VAT1L: variants seen among roughly 807,000 people sequenced by gnomAD.
VAT1L encodes the protein putative NADPH-dependent quinone oxidoreductase VAT1L.
A neutral mutation model predicts 44.1 loss-of-function variants in VAT1L; 34 were observed. The ratio of observed to expected loss-of-function variants is 0.77; its 90% CI spans 0.59 to 1.03. The LOEUF (loss-of-function observed/expected upper bound fraction) is 1.03. Among genes scored for constraint, VAT1L ranks in the 50% least tolerant of loss-of-function variants. The pLI, the probability that VAT1L is intolerant of heterozygous loss-of-function variation, is 0.00. For missense variants in VAT1L, 615 were observed against 538.8 expected (o/e 1.14, Z -1.40); for synonymous variants, 253 against 202.2 (o/e 1.25, Z -2.13).
Position 77,799,031 on chromosome 16 carries a change from C to T in VAT1L, c.233+10116C>T, listed in dbSNP as rs547030387. On this transcript the variant is annotated intron_variant, in intron 1 of 8. Coordinates refer to ENST00000302536, the MANE Select transcript of VAT1L (RefSeq NM_020927.3). Reference sequence around the variant, plus strand: ...CTCCTGCTGCAATGAGCTTCCTTCCCGAGGCTGGAAAAGGTGGTGGTCATT... The same window carrying T: ...CTCCTGCTGCAATGAGCTTCCTTCCTGAGGCTGGAAAAGGTGGTGGTCATT... 9.9e-5 allele frequency among the ~76,000 whole-genome samples: 15 copies of T among 152,106 alleles called. No homozygotes were observed. In the East Asian group the frequency reaches 2.3e-3, roughly 24 times the overall value.
chr16:77,900,614 G>C (rs1409217075), intron 7 of VAT1L, among the ~76,000 whole-genome samples: 4 of 150,912 alleles, frequency 2.7e-5, no homozygotes. Flanking sequence ...AGAATCACTT[G>C]AACCCGGGAG....
chr16:77,972,243 A>G (rs1482580294), intron 8 of VAT1L, among the ~76,000 whole-genome samples: 2 of 152,208 alleles, frequency 1.3e-5, no homozygotes, highest in African/African-American at 4.8e-5. Flanking sequence ...GAAAATTTCA[A>G]TAATTTCACA....
intron 7 of VAT1L, among the ~76,000 whole-genome samples, chr16:77,927,005 A>C (rs141807666): frequency 7.2e-5 from 11 of 152,252 alleles, no homozygotes; most frequent in Admixed American, 1.3e-4. Flanking sequence ...AGAAGACAAC[A>C]TAACAGTCAT....
At chr16:77,845,106 C>T (rs1457564416) in intron 3 of VAT1L, among the ~76,000 whole-genome samples, 1 of 151,182 alleles carries the variant, frequency 6.6e-6, no homozygotes, top group Non-Finnish European at 1.5e-5. Context: ...AGTCACAGAG[C>T]TTGCTTGCTA....
intron 7 of VAT1L, among the ~76,000 whole-genome samples, chr16:77,967,943 C>G (rs947889361): frequency 2.6e-5 from 4 of 152,284 alleles, no homozygotes; most frequent in African/African-American, 9.6e-5. Flanking sequence ...TCTGGCAGCC[C>G]TGAGTGCCAA....
chr16:77,791,621 T>A (rs2015837099), intron 1 of VAT1L, among the ~76,000 whole-genome samples: 1 of 152,220 alleles, frequency 6.6e-6, no homozygotes. Flanking sequence ...TCCATTTTTG[T>A]CTCCCTTGGT....
At chr16:77,898,431 T>A (rs547593275) in intron 7 of VAT1L, among the ~76,000 whole-genome samples, 46 of 152,298 alleles carry the variant, frequency 3.0e-4, no homozygotes, top group African/African-American at 1.1e-3. Flanking sequence ...AAATTTTGCA[T>A]GAGGGTTAAA....
intron 3 of VAT1L, among the ~76,000 whole-genome samples, chr16:77,839,362 T>C (rs536010748): frequency 9.1e-4 from 138 of 151,404 alleles, no homozygotes; most frequent in African/African-American, 3.2e-3. Context: ...GGTGAAACCC[T>C]GTCTCTACTA....
chr16:77,962,688 G>A (rs908460030), intron 7 of VAT1L, among the ~76,000 whole-genome samples: 2 of 145,970 alleles, frequency 1.4e-5, no homozygotes, highest in African/African-American at 5.0e-5. Context: ...TTCAAGACCA[G>A]CCTGCACAAC....
intron 7 of VAT1L, among the ~76,000 whole-genome samples, chr16:77,958,366 C>T (rs947640773): frequency 6.6e-6 from 1 of 152,186 alleles, no homozygotes; most frequent in Non-Finnish European, 1.5e-5. Flanking sequence ...CTCTTACACA[C>T]TGCGCAACAG....
chr16:77,912,729 G>A (rs451653), intron 7 of VAT1L, among the ~76,000 whole-genome samples: 23,269 of 152,044 alleles, frequency 0.15, 1,936 homozygotes, highest in East Asian at 0.2. Flanking sequence ...TGCTCAAGAT[G>A]CTTGAACAAA....
chr16:77,891,746 C>A (rs1355769575), intron 7 of VAT1L, among the ~76,000 whole-genome samples: 2 of 152,170 alleles, frequency 1.3e-5, no homozygotes, highest in Non-Finnish European at 2.9e-5. Context: ...TTGACAGGGA[C>A]CTTTATCTGT....
chr16:77,813,421 C>T (rs1030209777), intron 1 of VAT1L, among the ~76,000 whole-genome samples: 1 of 152,162 alleles, frequency 6.6e-6, no homozygotes, highest in Non-Finnish European at 1.5e-5. Flanking sequence ...AAGCAAAGAG[C>T]TTCTGCTATA....
intron 7 of VAT1L, among the ~76,000 whole-genome samples, chr16:77,891,227 G>A (rs1445088783): frequency 7.9e-5 from 12 of 152,002 alleles, no homozygotes; most frequent in African/African-American, 2.7e-4. Context: ...GATGGCAGGC[G>A]CTTGTAGTCC....
intron 2 of VAT1L, among the ~76,000 whole-genome samples, chr16:77,820,734 T>C (rs141573369): frequency 8.0e-4 from 122 of 152,328 alleles, no homozygotes; most frequent in African/African-American, 2.8e-3. Flanking sequence ...ACAGTCATAG[T>C]TCATTATTAG....
chr16:77,911,343 T>G (rs567636299), intron 7 of VAT1L, among the ~76,000 whole-genome samples: 2 of 152,262 alleles, frequency 1.3e-5, no homozygotes, highest in East Asian at 3.9e-4. Context: ...TCCCCTACTA[T>G]CAGCCCTGGG....
intron 3 of VAT1L, among the ~76,000 whole-genome samples, chr16:77,846,885 T>A (rs550816330): frequency 1.3e-5 from 2 of 152,234 alleles, no homozygotes; most frequent in African/African-American, 4.8e-5. Flanking sequence ...ATAAAAAAAA[T>A]TATTGATAAT....
chr16:77,964,991 T>C (rs147433421), intron 7 of VAT1L, among the ~76,000 whole-genome samples: 1,598 of 152,130 alleles, frequency 0.011, 26 homozygotes, highest in African/African-American at 0.036. Context: ...GGTTTCTCCA[T>C]GTTGGTCAGG....
chr16:77,924,563 C>T (rs938551058), intron 7 of VAT1L, among the ~76,000 whole-genome samples: 3 of 152,060 alleles, frequency 2.0e-5, no homozygotes, highest in South Asian at 2.1e-4. Context: ...CAGATTCAAG[C>T]GATTCTCCTG....
Sources: allele counts gnomAD v4.1 joint callset (sites outside exome capture counted in the v4.1 genomes callset), GRCh38; gene constraint gnomAD v4.1.1; transcripts MANE v1.5; gene names NCBI Gene and HGNC (gene_info 2026-07-23, HGNC 2026-07-21).